ARHGEF38: variants seen among roughly 807,000 people sequenced by gnomAD.
ARHGEF38 encodes Rho guanine nucleotide exchange factor 38, also known as Rho guanine nucleotide exchange factor (GEF) 38.
ARHGEF38 carries 79 observed loss-of-function variants against 79.9 expected under a neutral mutation model. The observed-to-expected ratio is 0.99, with a 90% CI of 0.82 to 1.19. The LOEUF is 1.19. Among genes scored for constraint, ARHGEF38 ranks in the 50% most tolerant of loss-of-function variants. ARHGEF38 has a pLI of 0.00. For synonymous variants in ARHGEF38, 366 were observed against 328.3 expected (o/e 1.11, Z -1.24); for missense variants, 962 against 907.2 (o/e 1.06, Z -0.78).
In ARHGEF38 at chr4:105,680,089, G is replaced by C; in HGVS notation, c.*2152G>C. 1 of 759,102 alleles carries C rather than the reference G, an allele frequency of 1.3e-6. No individual in the cohort carries two copies. Among genetic ancestry groups the C allele is most frequent in the Non-Finnish European group, 2.4e-6 (1 of 409,166 alleles). 47.0% of individuals were successfully genotyped at this position (759,102 alleles called of 1,614,324 possible). A position where few individuals can be genotyped will look rare whatever the true frequency, so the allele number is the denominator to read the frequency against. The stretch of plus-strand genomic sequence containing the variant: ...CTTCAGATCCACTGTAGACTTGAAG[G>C]ACATCTCATTTTCATCTGTGTTTTA... On this transcript the variant is annotated 3_prime_UTR_variant, in exon 14 of 14. Transcript: ENST00000420470.
intron 3 of ARHGEF38, among the ~76,000 whole-genome samples, chr4:105,620,952 T>G (rs1425955491): frequency 2.0e-5 from 3 of 152,202 alleles, no homozygotes; most frequent in African/African-American, 7.2e-5. Context: ...TTTCATAATT[T>G]TGGAAGCCTG....
chr4:105,599,462 C>T (rs1727729446), intron 2 of ARHGEF38, among the ~76,000 whole-genome samples: 1 of 152,078 alleles, frequency 6.6e-6, no homozygotes, highest in South Asian at 2.1e-4. Context: ...AAAAGTCATC[C>T]CTCAGCCTGG....
At chr4:105,655,515 G>A (rs1730283509) in intron 8 of ARHGEF38, 88 bp from the exon 9 acceptor site, 2 of 1,336,200 alleles carry the variant, frequency 1.5e-6, no homozygotes, top group South Asian at 1.5e-5. Context: ...ATAATTAAGG[G>A]TTATGCTGAT....
intron 2 of ARHGEF38, among the ~76,000 whole-genome samples, chr4:105,606,800 T>G (rs1194107470): frequency 6.6e-6 from 1 of 152,082 alleles, no homozygotes; most frequent in Non-Finnish European, 1.5e-5. Flanking sequence ...TTTGTATGGA[T>G]GTACACACAG....
Position 105,654,128 on chromosome 4 carries a change from C to A in ARHGEF38, c.1072C>A (p.Leu358Ile), listed in dbSNP as rs1336667727. 2.0e-6 allele frequency: 3 copies of A among 1,520,544 alleles called. No individual in the cohort carries two copies. Among genetic ancestry groups the A allele is most frequent in the African/African-American group, 1.4e-5 (1 of 72,986 alleles). The allele number at this position is 1,520,544 out of a possible 1,614,324, so 94.2% of individuals were successfully genotyped here. A position where few individuals can be genotyped will look rare whatever the true frequency, so the allele number is the denominator to read the frequency against. Residue 358 changes from leucine (L) to isoleucine (I), a missense_variant, in exon 8 of 14, where the codon CTT becomes ATT. By Grantham distance (5) the Leu-to-Ile change is conservative (BLOSUM62 2). Transcript: ENST00000420470. ...TAGAGCTTTAGAAAAGACTGTGAGG[C>A]TTTGTGTGAAGAACATTTCACTCTG... is the stretch of plus-strand genomic sequence containing the variant. ...LFRALEKTVR[L>I]CVKNISLCLQ...
intron 1 of ARHGEF38, among the ~76,000 whole-genome samples, chr4:105,567,463 G>A (rs919708593): frequency 2.6e-5 from 4 of 152,060 alleles, no homozygotes; most frequent in Non-Finnish European, 4.4e-5. Context: ...TGTAAGTTTC[G>A]TTAAAGTAAT....
At chr4:105,562,064 G>A (rs1210587888) in intron 1 of ARHGEF38, among the ~76,000 whole-genome samples, 1 of 152,062 alleles carries the variant, frequency 6.6e-6, no homozygotes, top group East Asian at 1.9e-4. Flanking sequence ...ATACAGGGAG[G>A]GCACTTTTCT....
At chr4:105,598,355 G>A (rs1210240563) in intron 2 of ARHGEF38, among the ~76,000 whole-genome samples, 1 of 152,104 alleles carries the variant, frequency 6.6e-6, no homozygotes, top group Non-Finnish European at 1.5e-5. Context: ...AGTAAAAGAT[G>A]CCCTAAAAGC....
At chr4:105,575,732 C>A (rs372104732) in intron 1 of ARHGEF38, among the ~76,000 whole-genome samples, 3 of 151,972 alleles carry the variant, frequency 2.0e-5, no homozygotes, top group Admixed American at 1.3e-4. Context: ...CCTAGGCCAA[C>A]GTCCAGAAGA....
chr4:105,624,917 T>C (rs1253985033), intron 3 of ARHGEF38, among the ~76,000 whole-genome samples: 1 of 152,196 alleles, frequency 6.6e-6, no homozygotes, highest in East Asian at 1.9e-4. Flanking sequence ...CAGAGGCCTG[T>C]ATTGTTGCAC....
chr4:105,643,554 G>C (rs936640857), intron 5 of ARHGEF38, among the ~76,000 whole-genome samples: 3 of 152,026 alleles, frequency 2.0e-5, no homozygotes, highest in African/African-American at 7.2e-5. Flanking sequence ...AAAAACGTTC[G>C]GTATAAGATA....
At chr4:105,620,611 C>T (rs1728699647) in intron 3 of ARHGEF38, among the ~76,000 whole-genome samples, 1 of 152,124 alleles carries the variant, frequency 6.6e-6, no homozygotes, top group African/African-American at 2.4e-5. Flanking sequence ...TCAAACAAGT[C>T]AGATTTGCTG....
At chr4:105,676,931 T>C (rs767619500) in intron 13 of ARHGEF38, among the ~76,000 whole-genome samples, 1 of 151,882 alleles carries the variant, frequency 6.6e-6, no homozygotes, top group South Asian at 2.1e-4. Context: ...GTTATTAGTC[T>C]CAGAAAGCAT....
In ARHGEF38 at chr4:105,659,217, A is replaced by G; in HGVS notation, c.1397A>G (p.Tyr466Cys). Residue 466 changes from tyrosine to cysteine, a missense_variant, in exon 10 of 14, where the codon TAT becomes TGT. Tyr to Cys is a radical substitution (Grantham distance 194). Coordinates refer to ENST00000420470, the MANE Select transcript of ARHGEF38 (RefSeq NM_001242729.2). ...GEESDLAKKEYEALNAQLVEE... is the reference protein window; with the variant it reads ...GEESDLAKKECEALNAQLVEE... ...GAGTCAGACTTGGCCAAAAAGGAGTATGAGGCCCTCAACGCCCAGCTTGTG... is the reference window on the plus strand; with the variant it reads ...GAGTCAGACTTGGCCAAAAAGGAGTGTGAGGCCCTCAACGCCCAGCTTGTG... 1 of 1,536,162 alleles carries G rather than the reference A, an allele frequency of 6.5e-7. No individual in the cohort carries two copies. The highest frequency in any genetic ancestry group is 8.7e-7 in the Non-Finnish European group (1 of 1,146,870).
At chr4:105,594,955 T>C (rs1017557741) in intron 2 of ARHGEF38, among the ~76,000 whole-genome samples, 1 of 152,192 alleles carries the variant, frequency 6.6e-6, no homozygotes, top group African/African-American at 2.4e-5. Flanking sequence ...AGATACTCTA[T>C]GTTTTTGGCT....
chr4:105,619,443 C>G (rs1728647121), intron 3 of ARHGEF38, among the ~76,000 whole-genome samples: 1 of 152,068 alleles, frequency 6.6e-6, no homozygotes, highest in South Asian at 2.1e-4. Flanking sequence ...AATTGTTGAC[C>G]CATACAATTG....
chr4:105,631,220 T>C (rs1729177883), intron 4 of ARHGEF38, 175 bp downstream of exon 4: 1 of 1,253,798 alleles, frequency 8.0e-7, no homozygotes, highest in African/African-American at 1.6e-5. Context: ...CTGATTGACT[T>C]TTTTTCCCCC....
chr4:105,588,123 C>G (rs1403191147), intron 1 of ARHGEF38, among the ~76,000 whole-genome samples: 1 of 152,186 alleles, frequency 6.6e-6, no homozygotes, highest in Non-Finnish European at 1.5e-5. Context: ...GTTGTCTTAG[C>G]TTTGTTCCCG....
intron 3 of ARHGEF38, among the ~76,000 whole-genome samples, chr4:105,622,027 C>A (rs1171829243): frequency 6.6e-6 from 1 of 152,158 alleles, no homozygotes; most frequent in African/African-American, 2.4e-5. Context: ...GAAGCAGGTA[C>A]CAGGCTGTAA....
Sources: gnomAD v4.1 joint callset for allele counts (sites outside exome capture counted in the v4.1 genomes callset) on GRCh38, gnomAD v4.1.1 for gene constraint, MANE v1.5 for transcripts, NCBI Gene and HGNC (gene_info 2026-07-23, HGNC 2026-07-21) for gene names.